The following CSGALNACT1 variants were observed in gnomAD, a reference collection of about 807,000 sequenced individuals.
CSGALNACT1 encodes beta4GalNAcT-1.
A neutral mutation model predicts 51.0 loss-of-function variants in CSGALNACT1; 52 were observed. The ratio of observed to expected loss-of-function variants is 1.02; its 90% CI spans 0.82 to 1.29. CSGALNACT1 has a LOEUF of 1.29. CSGALNACT1 is among the 50% of genes most tolerant of loss of function. The pLI, the probability that CSGALNACT1 is intolerant of heterozygous loss-of-function variation, is 0.00. For synonymous variants in CSGALNACT1, 341 were observed against 254.4 expected (o/e 1.34, Z -3.24); for missense variants, 935 against 679.2 (o/e 1.38, Z -4.19).
intron 3 of CSGALNACT1, among the ~76,000 whole-genome samples, chr8:19,530,642 G>C (rs1035775031): frequency 6.6e-6 from 1 of 152,088 alleles, no homozygotes; most frequent in East Asian, 1.9e-4. Context: ...GAGGCTGGAG[G>C]ATCGCTTGAA....
intron 3 of CSGALNACT1, among the ~76,000 whole-genome samples, chr8:19,562,520 A>C (rs1036562892): frequency 6.6e-6 from 1 of 152,044 alleles, no homozygotes; most frequent in Non-Finnish European, 1.5e-5. Context: ...GCAAACAGAC[A>C]ATCTACAGAA....
At chr8:19,492,093 T>C (rs2074470284) in intron 4 of CSGALNACT1, among the ~76,000 whole-genome samples, 1 of 152,252 alleles carries the variant, frequency 6.6e-6, no homozygotes. Context: ...ATGCCACTCA[T>C]GGGAACATTG....
At chr8:19,689,938 G>A (rs1401616003) in intron 1 of CSGALNACT1, among the ~76,000 whole-genome samples, 9 of 152,120 alleles carry the variant, frequency 5.9e-5, no homozygotes, top group Admixed American at 4.6e-4. Flanking sequence ...AAAACCAACC[G>A]CCAATGCCTG....
chr8:19,509,885 G>A lies in CSGALNACT1; in HGVS notation c.-296-3755C>T, dbSNP rs576576122. ...GAAAATACAGCTTTATGTGATCACA[G>A]CAGCATTGAGCTACTATTTTAAGAA... On this transcript the variant is annotated intron_variant, in intron 3 of 9. Transcript: ENST00000454498. Among the ~76,000 whole-genome samples the A allele has an allele frequency of 3.5e-4, 53 of 152,240 alleles. 3 individuals are homozygous for A. In the South Asian group the frequency reaches 0.011, roughly 32 times the overall value.
chr8:19,538,929 T>C (rs1053031015), intron 3 of CSGALNACT1, among the ~76,000 whole-genome samples: 1 of 152,200 alleles, frequency 6.6e-6, no homozygotes. Flanking sequence ...TCCTGAGATG[T>C]TGTCCCTCCT....
chr8:19,503,493 G>C (rs1462320356), intron 4 of CSGALNACT1, among the ~76,000 whole-genome samples: 3 of 152,064 alleles, frequency 2.0e-5, no homozygotes, highest in Non-Finnish European at 4.4e-5. Flanking sequence ...ACACTGATTT[G>C]CAATCAAGTT....
chr8:19,641,803 G>A (rs2056774586), intron 1 of CSGALNACT1: 1 of 152,148 alleles, frequency 6.6e-6, no homozygotes, highest in Admixed American at 6.5e-5. Context: ...ACCCCCAAAT[G>A]CCTTCTGGTT....
At chr8:19,592,927 A>G (rs891991926) in intron 2 of CSGALNACT1, among the ~76,000 whole-genome samples, 1 of 152,246 alleles carries the variant, frequency 6.6e-6, no homozygotes, top group Non-Finnish European at 1.5e-5. Context: ...CAATTTTTCT[A>G]CTTTACATTG....
intron 3 of CSGALNACT1, among the ~76,000 whole-genome samples, chr8:19,553,639 A>AG (rs869251447): frequency 7.9e-6 from 1 of 126,610 alleles, no homozygotes; most frequent in Non-Finnish European, 1.6e-5. Context: ...ATATATATAT[A>AG]AAAAAATATG....
chr8:19,457,440 C>T (rs1279520295), intron 5 of CSGALNACT1: 9 of 360,778 alleles, frequency 2.5e-5, no homozygotes, highest in Non-Finnish European at 1.1e-5. Flanking sequence ...TGGCGAAACC[C>T]GGTCTCTACT....
intron 1 of CSGALNACT1, among the ~76,000 whole-genome samples, chr8:19,632,682 G>T (rs1179135481): frequency 2.0e-5 from 3 of 152,120 alleles, no homozygotes; most frequent in African/African-American, 7.2e-5. Flanking sequence ...CATCTCAGCA[G>T]TGCTAAGAAA....
At chr8:19,441,778 A>G (rs2061365521) in intron 5 of CSGALNACT1, among the ~76,000 whole-genome samples, 1 of 152,044 alleles carries the variant, frequency 6.6e-6, no homozygotes, top group Non-Finnish European at 1.5e-5. Context: ...CAGAGTGAAC[A>G]GGCAACCTAC....
chr8:19,672,324 A>G (rs753658289), intron 1 of CSGALNACT1, among the ~76,000 whole-genome samples: 8 of 152,202 alleles, frequency 5.3e-5, no homozygotes, highest in Non-Finnish European at 1.2e-4. Flanking sequence ...AACATGCAAT[A>G]CCCATTAGAT....
At chr8:19,715,889 G>A (rs1168845332) in intron 1 of CSGALNACT1, among the ~76,000 whole-genome samples, 2 of 152,156 alleles carry the variant, frequency 1.3e-5, no homozygotes, top group Admixed American at 1.3e-4. Flanking sequence ...AGGGCTGATT[G>A]CCAAGTCTAT....
At chr8:19,463,602 A>G (rs548378445) in intron 4 of CSGALNACT1, among the ~76,000 whole-genome samples, 14 of 152,210 alleles carry the variant, frequency 9.2e-5, no homozygotes, top group Non-Finnish European at 1.9e-4. Context: ...TACAAAGCAA[A>G]GCAGCCCCAC....
At chr8:19,555,251 AAAAAG>A (rs1483333712) in intron 3 of CSGALNACT1, among the ~76,000 whole-genome samples, 3 of 152,282 alleles carry the variant, frequency 2.0e-5, no homozygotes, top group Admixed American at 6.5e-5. Context: ...AAAAATTAAA[AAAAAG>A]AAAAGAAAAG....
chr8:19,493,250 C>T (rs1009581879), intron 4 of CSGALNACT1, among the ~76,000 whole-genome samples: 5 of 152,178 alleles, frequency 3.3e-5, no homozygotes, highest in African/African-American at 1.2e-4. Flanking sequence ...GTCACCTCAA[C>T]TATTTTTAAA....
At chr8:19,562,734 C>A (rs1305203273) in intron 3 of CSGALNACT1, among the ~76,000 whole-genome samples, 1 of 152,094 alleles carries the variant, frequency 6.6e-6, no homozygotes, top group East Asian at 1.9e-4. Flanking sequence ...AATGAGATAC[C>A]ACCTCATGCC....
At chr8:19,605,481 A>G (rs543540960), upstream of CSGALNACT1, among the ~76,000 whole-genome samples, 9 of 152,292 alleles carry the variant, frequency 5.9e-5, no homozygotes, top group South Asian at 1.0e-3. Context: ...TCGTTCTTGT[A>G]TCCGGGTCTC....
Sources: allele counts gnomAD v4.1 joint callset (sites outside exome capture counted in the v4.1 genomes callset), GRCh38; gene constraint gnomAD v4.1.1; transcripts MANE v1.5; gene names NCBI Gene and HGNC (gene_info 2026-07-23, HGNC 2026-07-21).